Variants in RBFOX1 observed in about 807,000 individuals in gnomAD.
RBFOX1 encodes RNA binding protein fox-1 homolog 1.
RBFOX1 carries 8 observed loss-of-function variants against 57.7 expected under a neutral mutation model. The observed-to-expected ratio is 0.14, with a 90% confidence interval of 0.08 to 0.25. The LOEUF (loss-of-function observed/expected upper bound fraction) is 0.25, where lower values mean the gene tolerates loss of function less well. Among genes scored for constraint, RBFOX1 ranks in the 10% least tolerant of loss-of-function variants. The probability of loss-of-function intolerance (pLI) is 1.00; values close to 1 mark genes in which losing one functional copy is unlikely to be tolerated. For synonymous variants in RBFOX1, 326 were observed against 222.4 expected (o/e 1.47, Z -4.15); for missense variants, 611 against 548.5 (o/e 1.11, Z -1.14).
At chr16:6,172,062 A>G (rs1439296720) in intron 1 of RBFOX1, among the ~76,000 whole-genome samples, 1 of 151,976 alleles carries the variant, frequency 6.6e-6, no homozygotes, top group Non-Finnish European at 1.5e-5. Context: ...ACCTCATGAT[A>G]TGCCTGCCTC....
intron 7 of RBFOX1, among the ~76,000 whole-genome samples, chr16:7,591,065 G>T (rs1414178526): frequency 6.6e-6 from 1 of 152,078 alleles, no homozygotes; most frequent in Non-Finnish European, 1.5e-5. Flanking sequence ...GATGGGAGAG[G>T]CCACTGAGAG....
At chr16:7,208,213 A>G (rs939630880) in intron 4 of RBFOX1, among the ~76,000 whole-genome samples, 4 of 152,266 alleles carry the variant, frequency 2.6e-5, no homozygotes, top group South Asian at 4.1e-4. Flanking sequence ...CACCATCTAT[A>G]ATCGGCCAGA....
intron 3 of RBFOX1, among the ~76,000 whole-genome samples, chr16:6,657,360 A>G (rs1208195528): frequency 6.6e-6 from 1 of 152,128 alleles, no homozygotes; most frequent in African/African-American, 2.4e-5. Context: ...TATGGGAGAC[A>G]TTTCTCTTAA....
At chr16:6,644,261 A>C (rs980808758) in intron 2 of RBFOX1, among the ~76,000 whole-genome samples, 4 of 152,218 alleles carry the variant, frequency 2.6e-5, no homozygotes, top group Admixed American at 6.5e-5. Context: ...CATGCATCCA[A>C]ACTATCAGAA....
chr16:6,816,491 C>G (rs925794562), intron 3 of RBFOX1, among the ~76,000 whole-genome samples: 1 of 149,770 alleles, frequency 6.7e-6, no homozygotes, highest in African/African-American at 2.5e-5. Flanking sequence ...CCTGTAATCT[C>G]AGTACTTTGG....
At chr16:5,958,794 G>A (rs1047892974) in intron 4 of RBFOX1, among the ~76,000 whole-genome samples, 7 of 152,118 alleles carry the variant, frequency 4.6e-5, no homozygotes, top group Admixed American at 3.9e-4. Context: ...TTCCTTGGCT[G>A]GTAGCCACAT....
chr16:7,332,679 T>A, intron 4 of RBFOX1: 2 of 792,778 alleles, frequency 2.5e-6, no homozygotes, highest in Non-Finnish European at 3.3e-6. Flanking sequence ...TCTGTCTCTC[T>A]CTCTCTCTGA....
chr16:5,684,097 T>G (rs1418660034), intron 3 of RBFOX1, among the ~76,000 whole-genome samples: 1 of 152,164 alleles, frequency 6.6e-6, no homozygotes. Flanking sequence ...TCACATAAAG[T>G]AACCCATTTC....
At chr16:5,718,973 T>TAA (rs35859261) in intron 3 of RBFOX1, among the ~76,000 whole-genome samples, 78,940 of 146,858 alleles carry the variant, frequency 0.54, 24,240 homozygotes, top group Non-Finnish European at 0.71. Context: ...TGTGTATAGT[T>TAA]AAAAAAAAAA....
intron 4 of RBFOX1, among the ~76,000 whole-genome samples, chr16:5,996,399 T>A (rs958360975): frequency 2.0e-5 from 3 of 151,992 alleles, no homozygotes; most frequent in Admixed American, 6.6e-5. Flanking sequence ...TAATTACATA[T>A]TCAGAACTGG....
intron 4 of RBFOX1, among the ~76,000 whole-genome samples, chr16:7,202,452 A>T (rs996808137): frequency 1.3e-5 from 2 of 152,212 alleles, no homozygotes; most frequent in Admixed American, 6.5e-5. Context: ...GAACTGCCAG[A>T]TGATCCAACA....
intron 1 of RBFOX1, among the ~76,000 whole-genome samples, chr16:6,091,833 AAAAAC>A (rs752727565): frequency 5.9e-5 from 9 of 152,308 alleles, no homozygotes; most frequent in African/African-American, 1.7e-4. Context: ...TCTGTCTCAA[AAAAAC>A]AAAACAAAAC....
At chr16:6,694,652 C>A (rs976381388) in intron 3 of RBFOX1, among the ~76,000 whole-genome samples, 1 of 152,118 alleles carries the variant, frequency 6.6e-6, no homozygotes, top group Non-Finnish European at 1.5e-5. Flanking sequence ...CTTATCATGG[C>A]CATTGTTTTT....
At chr16:7,266,600 C>T (rs536401189) in intron 4 of RBFOX1, among the ~76,000 whole-genome samples, 18 of 152,260 alleles carry the variant, frequency 1.2e-4, no homozygotes, top group African/African-American at 3.6e-4. Context: ...AATACCATCG[C>T]GTTGGAGGTT....
At chr16:5,623,457 C>G (rs557588819) in intron 3 of RBFOX1, among the ~76,000 whole-genome samples, 2 of 152,268 alleles carry the variant, frequency 1.3e-5, no homozygotes, top group African/African-American at 4.8e-5. Context: ...TCATAATCAC[C>G]AAACAAACAT....
rs140494501 is a variant in RBFOX1 at position 6,614,486 on chromosome 16, C to A, written c.-63-40117C>A. The stretch of plus-strand genomic sequence containing the variant: ...CTTTACCGGGACAGGACAAACCAAT[C>A]ACTGCGGAATGTTTTGTGGGTGTCC... On this transcript the variant is annotated intron_variant, in intron 2 of 15. Transcript: ENST00000550418. Among the ~76,000 whole-genome samples the A allele has an allele frequency of 3.9e-5, 6 of 152,320 alleles. No homozygotes were observed. The East Asian group carries it at 1.2e-3, about 29-fold the overall frequency.
In RBFOX1 at chr16:7,200,619, A is replaced by G. The variant is rs1848503145; in HGVS notation, c.27+148521A>G. ...CCAGCTGTCTACCCAGTATCCCTTTATGCCTTCTTTTAAAGGAATAGAGTG... is the reference window on the plus strand; with the variant it reads ...CCAGCTGTCTACCCAGTATCCCTTTGTGCCTTCTTTTAAAGGAATAGAGTG... On this transcript the variant is annotated intron_variant, in intron 4 of 15. Coordinates refer to ENST00000550418, the MANE Select transcript of RBFOX1 (RefSeq NM_018723.4). Among the ~76,000 whole-genome samples, 4 of 152,200 alleles carry G rather than the reference A, an allele frequency of 2.6e-5. No individual in the cohort carries two copies. The South Asian group carries it at 8.3e-4, about 31-fold the overall frequency.
At chr16:7,538,144 C>T (rs8059627) in intron 5 of RBFOX1, among the ~76,000 whole-genome samples, 8,455 of 152,078 alleles carry the variant, frequency 0.056, 286 homozygotes, top group East Asian at 0.12. Context: ...GGACATACAT[C>T]CTAGTAGAGG....
intron 4 of RBFOX1, among the ~76,000 whole-genome samples, chr16:7,110,623 G>C (rs1055850909): frequency 6.6e-6 from 1 of 152,076 alleles, no homozygotes; most frequent in Non-Finnish European, 1.5e-5. Context: ...GGTGACATTT[G>C]GCATATTAAC....
Sources: gnomAD v4.1 joint callset for allele counts (sites outside exome capture counted in the v4.1 genomes callset) on GRCh38, gnomAD v4.1.1 for gene constraint, MANE v1.5 for transcripts, NCBI Gene and HGNC (gene_info 2026-07-23, HGNC 2026-07-21) for gene names.